Variants in TLN2 observed in about 807,000 individuals in gnomAD.
TLN2 encodes talin 2.
TLN2 carries 118 observed loss-of-function variants against 294.7 expected under a neutral mutation model. The observed-to-expected ratio is 0.40, with a 90% CI of 0.34 to 0.47. TLN2 has a LOEUF of 0.47. Ranked by LOEUF, TLN2 falls within the 20% of genes least tolerant of loss-of-function variation. The pLI is 0.84. For missense variants in TLN2, 3,083 were observed against 3,282.2 expected (o/e 0.94, Z 1.48); for synonymous variants, 1,431 against 1,304.5 (o/e 1.10, Z -2.09).
chr15:62,825,836 A>AATATATATTATATAAT (rs2068107392), intron 54 of TLN2, among the ~76,000 whole-genome samples: 2 of 77,064 alleles, frequency 2.6e-5, no homozygotes, highest in African/African-American at 1.6e-4. Flanking sequence ...TATAATATAT[A>AATATATATTATATAAT]ATATATATAA....
At chr15:62,833,837 C>T (rs2069149830) in intron 55 of TLN2, 1 of 572,784 alleles carries the variant, frequency 1.7e-6, no homozygotes, top group East Asian at 3.2e-5. Flanking sequence ...CTCTCATCTG[C>T]TTCTTGTTAA....
At position 62,836,032 on chromosome 15, in the gene TLN2, G is replaced by T. The variant is rs78592652; in HGVS notation, c.7333G>T (p.Val2445Leu). Residue 2445 changes from valine (V) to leucine (L), a missense_variant, in exon 57 of 59, where the codon GTG (valine) becomes TTG (leucine). Physicochemically the swap from Val to Leu is conservative, Grantham distance 32 (BLOSUM62 1). Coordinates refer to ENST00000636159, the MANE Select transcript of TLN2 (RefSeq NM_015059.3). ...STAQLLVACK[V>L]KADQDSEAMR... ...GGCTCAGCTGCTGGTGGCCTGCAAG[G>T]TGAAGGCCGACCAGGATTCAGAGGC... The T allele has an allele frequency of 2.6e-3, 4,240 of 1,612,630 alleles. 12 individuals are homozygous for T. The highest frequency in any genetic ancestry group is 4.0e-3 in the South Asian group (360 of 90,742).
At chr15:62,702,991 A>G in intron 19 of TLN2, 127 bp downstream of exon 19, 1 of 861,272 alleles carries the variant, frequency 1.2e-6, no homozygotes, top group Non-Finnish European at 1.8e-6. Flanking sequence ...ATTGAGATGG[A>G]TTATCTTGGG....
chr15:62,581,997 T>C (rs1366490593), intron 1 of TLN2, among the ~76,000 whole-genome samples: 1 of 151,582 alleles, frequency 6.6e-6, no homozygotes, highest in Admixed American at 6.6e-5. Flanking sequence ...TGAGCCAAGA[T>C]TGTGCCGCTG....
rs1241791338 is a variant in TLN2 at position 62,752,544 on chromosome 15, C to T, written c.4332+117C>T. On this transcript the variant is annotated intron_variant, in intron 35 of 58. Coordinates refer to ENST00000636159, the MANE Select transcript of TLN2 (RefSeq NM_015059.3). ...ACCACCACAGAAACCATGGGAAAGG[C>T]AGTGGCTTCTGTGCTGGCTGGGGCA... 6 of 1,435,946 alleles carry T rather than the reference C, an allele frequency of 4.2e-6. No homozygotes were observed. In the African/African-American group the frequency reaches 8.5e-5, roughly 20 times the overall value. 89.0% of individuals were successfully genotyped at this position (1,435,946 alleles called of 1,614,324 possible).
At chr15:62,795,705 C>T (rs2065425434) in intron 46 of TLN2, among the ~76,000 whole-genome samples, 1 of 152,200 alleles carries the variant, frequency 6.6e-6, no homozygotes, top group Admixed American at 6.5e-5. Context: ...GTAATCGCCA[C>T]ACCTTTCACA....
Position 62,618,597 on chromosome 15 carries a change from G to A in TLN2, c.-37+122G>A, listed in dbSNP as rs146074938. 5.0e-3 allele frequency among the ~76,000 whole-genome samples: 759 copies of A among 152,298 alleles called. 35 individuals carry two copies. The highest frequency in any genetic ancestry group is 0.044 in the Admixed American group (679 of 15,290). On this transcript the variant is annotated intron_variant, in intron 3 of 58. Coordinates refer to ENST00000636159, the MANE Select transcript of TLN2 (RefSeq NM_015059.3). ...CACTAATACACTGATGAGGGCCTGC[G>A]TCTCTGTCCATCCCCTGGAGGAAGG...
chr15:62,629,568 G>C (rs1178920965), intron 3 of TLN2, among the ~76,000 whole-genome samples: 1 of 152,122 alleles, frequency 6.6e-6, no homozygotes, highest in African/African-American at 2.4e-5. Context: ...CCCCAAATGA[G>C]GTATTTTCCA....
At chr15:62,528,160 T>C (rs2040840159) in intron 1 of TLN2, among the ~76,000 whole-genome samples, 1 of 152,194 alleles carries the variant, frequency 6.6e-6, no homozygotes, top group East Asian at 1.9e-4. Flanking sequence ...TGAGAAAGCT[T>C]ATGAGGTTAC....
chr15:62,497,577 C>G (rs1044503055), intron 1 of TLN2, among the ~76,000 whole-genome samples: 1 of 152,132 alleles, frequency 6.6e-6, no homozygotes. Flanking sequence ...TTCTGAAAAT[C>G]GTTTCTCAGG....
At chr15:62,526,570 TCAGGGGCCCTTCCCTCAG>T (rs1476148839) in intron 1 of TLN2, among the ~76,000 whole-genome samples, 6 of 152,172 alleles carry the variant, frequency 3.9e-5, no homozygotes, top group Non-Finnish European at 7.4e-5. Flanking sequence ...TACAGTCATC[TCAGGGGCCCTTCCCTCAG>T]CAGGTCAAGA....
At chr15:62,758,097 T>C (rs2062420578) in intron 37 of TLN2, among the ~76,000 whole-genome samples, 1 of 152,228 alleles carries the variant, frequency 6.6e-6, no homozygotes, top group South Asian at 2.1e-4. Context: ...GCTGTTTTTT[T>C]CTTTTAACCA....
At chr15:62,492,394 TA>T (rs1366055982) in intron 1 of TLN2, among the ~76,000 whole-genome samples, 5 of 151,834 alleles carry the variant, frequency 3.3e-5, no homozygotes. Context: ...CCGTCTCTAA[TA>T]AAAATACAAA....
chr15:62,737,012 G>T lies in TLN2; in HGVS notation c.3493G>T (p.Ala1165Ser), dbSNP rs1037722216. 89 of 1,614,100 alleles carry T rather than the reference G, an allele frequency of 5.5e-5. No homozygotes were observed. Among genetic ancestry groups the T allele is most frequent in the Non-Finnish European group, 7.4e-5 (87 of 1,180,050 alleles). The change falls in exon 29 of 59, where the codon GCC becomes TCC. Residue 1165 changes from alanine to serine, a missense_variant. By Grantham distance (99) the Ala-to-Ser change is moderately conservative (BLOSUM62 1). Transcript: ENST00000636159. ...DSARDVMEGSAMLIQEAKQAL... is the reference protein window; with the variant it reads ...DSARDVMEGSSMLIQEAKQAL... ...TGCTCGAGACGTGATGGAGGGCTCC[G>T]CCATGCTCATTCAAGAGGCCAAGCA... is the stretch of plus-strand genomic sequence containing the variant.
At chr15:62,683,738 C>T (rs1328444723) in intron 11 of TLN2, among the ~76,000 whole-genome samples, 1 of 152,144 alleles carries the variant, frequency 6.6e-6, no homozygotes, top group Non-Finnish European at 1.5e-5. Context: ...ATAGATGGGT[C>T]TTCACTGGTG....
intron 1 of TLN2, among the ~76,000 whole-genome samples, chr15:62,463,940 G>A (rs958472420): frequency 9.9e-5 from 15 of 152,200 alleles, no homozygotes; most frequent in African/African-American, 3.4e-4. Flanking sequence ...ATGCTGGAGA[G>A]GATGTGAAGA....
intron 37 of TLN2, 62 bp from the exon 38 acceptor site, chr15:62,761,619 T>C (rs891289036): frequency 6.2e-7 from 1 of 1,607,228 alleles, no homozygotes; most frequent in Non-Finnish European, 8.5e-7. Context: ...AGGTGATTAC[T>C]GTGGTTCAGA....
At chr15:62,534,498 G>A (rs898794469) in intron 1 of TLN2, among the ~76,000 whole-genome samples, 3 of 152,146 alleles carry the variant, frequency 2.0e-5, no homozygotes, top group African/African-American at 7.2e-5. Context: ...TGCCCACTCC[G>A]GGTGGATGCA....
chr15:62,484,489 G>A (rs2038278579), intron 1 of TLN2, among the ~76,000 whole-genome samples: 1 of 151,752 alleles, frequency 6.6e-6, no homozygotes, highest in Non-Finnish European at 1.5e-5. Context: ...GCAGTGGCGC[G>A]ATCTCGGCTC....
Sources: gnomAD v4.1 joint callset for allele counts (sites outside exome capture counted in the v4.1 genomes callset) on GRCh38, gnomAD v4.1.1 for gene constraint, MANE v1.5 for transcripts, NCBI Gene and HGNC (gene_info 2026-07-23, HGNC 2026-07-21) for gene names.